MYOM2: variants seen among roughly 807,000 people sequenced by gnomAD.
MYOM2 encodes the protein myomesin 2.
MYOM2 carries 254 observed loss-of-function variants against 187.6 expected under a neutral mutation model. That is an observed-to-expected ratio of 1.35 (90% CI 1.22 to 1.50). MYOM2 has a LOEUF of 1.50. Ranked by LOEUF, MYOM2 falls within the 40% of genes most tolerant of loss-of-function variation. The pLI, the probability that MYOM2 is intolerant of heterozygous loss-of-function variation, is 0.00. For synonymous variants in MYOM2, 981 were observed against 753.8 expected (o/e 1.30, Z -4.94); for missense variants, 2,796 against 1,924.0 (o/e 1.45, Z -8.48).
chr8:2,085,612 GCGTGGCCCCCCACAGTCGTGATCTCTT>G lies in MYOM2; in HGVS notation c.1644+223_1644+249del, dbSNP rs1819836777. Among the ~76,000 whole-genome samples, 11 of 6,394 alleles carry G rather than the reference GCGTGGCCCCCCACAGTCGTGATCTCTT, an allele frequency of 1.7e-3. 2 individuals carry two copies. The East Asian group carries it at 0.13, about 78-fold the overall frequency. 4.2% of individuals were successfully genotyped at this position (6,394 alleles called of 152,430 possible). A position where few individuals can be genotyped will look rare whatever the true frequency, so the allele number is the denominator to read the frequency against. ...GCGTGGCCCCACTGTCGTGATCTCT[GCGTGGCCCCCCACAGTCGTGATCTCTT>G]TGTGGCCCCCCACTGTCGTGATCTC... On this transcript the variant is annotated intron_variant, in intron 14 of 36. Coordinates refer to ENST00000262113, the MANE Select transcript of MYOM2 (RefSeq NM_003970.4).
chr8:2,058,310 G>A (rs1212967594), intron 5 of MYOM2, among the ~76,000 whole-genome samples: 3 of 152,182 alleles, frequency 2.0e-5, no homozygotes, highest in Non-Finnish European at 2.9e-5. Flanking sequence ...TGAGCCACAC[G>A]CCTGACCAGA....
At position 2,075,711 on chromosome 8, in the gene MYOM2, C is replaced by G. The variant is rs772574517; in HGVS notation, c.1121-430C>G. Among the ~76,000 whole-genome samples the G allele has an allele frequency of 2.6e-5, 4 of 152,230 alleles. No homozygotes were observed. The South Asian group carries it at 8.3e-4, about 32-fold the overall frequency. On this transcript the variant is annotated intron_variant, in intron 10 of 36. Transcript: ENST00000262113. ...GTCCCAAATATTTGCTCAAAGTTGG[C>G]GAAAAGAGTAAATCGCCCAATTTCC...
chr8:2,067,956 G>T (rs574636362), intron 6 of MYOM2, among the ~76,000 whole-genome samples: 2 of 152,098 alleles, frequency 1.3e-5, no homozygotes, highest in African/African-American at 4.8e-5. Context: ...GGAACAGGGA[G>T]TTTGTCACTT....
At chr8:2,117,010 G>A (rs147847502) in intron 27 of MYOM2, among the ~76,000 whole-genome samples, 1,896 of 152,292 alleles carry the variant, frequency 0.012, 26 homozygotes, top group Non-Finnish European at 0.016. Flanking sequence ...TGATCCGCCC[G>A]CCTTGGCCTC....
rs1426617539 is a variant in MYOM2 at position 2,073,334 on chromosome 8, T to G, written c.959-5T>G. ...TGCAAACCTTCCGTGTTAACGCTCTTTCAGACGTGCTGTTGAAAGAGTCCA... is the reference window on the plus strand; with the variant it reads ...TGCAAACCTTCCGTGTTAACGCTCTGTCAGACGTGCTGTTGAAAGAGTCCA... On this transcript the variant is annotated splice_region_variant and splice_polypyrimidine_tract_variant and intron_variant, in intron 9 of 36. Transcript: ENST00000262113. 6.2e-7 allele frequency: 1 copy of G among 1,601,686 alleles called. No homozygotes were observed. Among genetic ancestry groups the G allele is most frequent in the Non-Finnish European group, 8.5e-7 (1 of 1,172,310 alleles).
intron 14 of MYOM2, among the ~76,000 whole-genome samples, chr8:2,088,376 C>G (rs1246063415): frequency 6.6e-6 from 1 of 152,208 alleles, no homozygotes; most frequent in Non-Finnish European, 1.5e-5. Context: ...TGCAGTTGAT[C>G]TCGTCACCCA....
rs1477401540 is a variant in MYOM2, at chr8:2,073,379, T to C, written c.999T>C (p.Phe333=). The change falls in exon 10 of 37, where the codon TTT becomes TTC. Residue 333 remains phenylalanine, a synonymous_variant. Transcript: ENST00000262113. ...LKESKWTKMF[F]GEGQASLSFS... is the part of the protein sequence containing the mutation. ...AGTCCAAGTGGACGAAGATGTTCTT[T>C]GGAGAAGGCCAGGCCTCCCTGTCCT... The C allele has an allele frequency of 6.2e-7, 1 of 1,613,198 alleles. No homozygotes were observed. The highest frequency in any genetic ancestry group is 2.2e-5 in the East Asian group (1 of 44,850).
At chr8:2,142,321 C>G in intron 34 of MYOM2, 54 bp from the exon 35 acceptor site, 1 of 1,569,632 alleles carries the variant, frequency 6.4e-7, no homozygotes, top group Non-Finnish European at 8.8e-7. Context: ...TTGTTGGAAG[C>G]ATTTTCTCAT....
chr8:2,101,357 A>G (rs1040028964), intron 20 of MYOM2, among the ~76,000 whole-genome samples: 1 of 152,218 alleles, frequency 6.6e-6, no homozygotes, highest in Non-Finnish European at 1.5e-5. Context: ...TGTCTCAAAA[A>G]CAAAACACAC....
intron 32 of MYOM2, among the ~76,000 whole-genome samples, chr8:2,132,917 T>G (rs1257461753): frequency 1.3e-5 from 2 of 152,134 alleles, no homozygotes; most frequent in Non-Finnish European, 2.9e-5. Flanking sequence ...TCTTCGTCCT[T>G]ATGTCCACAG....
intron 25 of MYOM2, 138 bp from the exon 26 acceptor site, chr8:2,115,822 C>G (rs1797221357): frequency 2.1e-6 from 2 of 930,920 alleles, no homozygotes; most frequent in East Asian, 5.3e-5. Context: ...CAGAGGTTTC[C>G]TTGATAAAAT....
intron 13 of MYOM2, among the ~76,000 whole-genome samples, chr8:2,083,769 C>T (rs1045032118): frequency 2.0e-5 from 3 of 152,208 alleles, no homozygotes; most frequent in Non-Finnish European, 2.9e-5. Context: ...CTTGTGTGAT[C>T]ACATTGCCCA....
At chr8:2,120,695 T>TATTTATAATATATATAA in intron 28 of MYOM2, among the ~76,000 whole-genome samples, 1 of 100,174 alleles carries the variant, frequency 1.0e-5, no homozygotes, top group Non-Finnish European at 1.9e-5. Context: ...TATAAATATA[T>TATTTATAATATATATAA]AATATATATA....
rs139135985 is a variant in MYOM2 at position 2,114,902 on chromosome 8, G to A, written c.3181-1058G>A. On this transcript the variant is annotated intron_variant, in intron 25 of 36. Coordinates refer to ENST00000262113, the MANE Select transcript of MYOM2 (RefSeq NM_003970.4). ...GACAAATTTATATACTGCTACACAG[G>A]AAAACTCGTTTTCAGAATTACAAGG... is the stretch of plus-strand genomic sequence containing the variant. Among the ~76,000 whole-genome samples, 23 of 152,222 alleles carry A rather than the reference G, an allele frequency of 1.5e-4. 1 individual carries two copies. In the East Asian group the frequency reaches 4.4e-3, roughly 29 times the overall value.
At position 2,140,707 on chromosome 8, in the gene MYOM2, T is replaced by C. The variant is rs1222903042; in HGVS notation, c.3801-16T>C. The C allele has an allele frequency of 6.2e-7, 1 of 1,612,878 alleles. No individual in the cohort carries two copies. Among genetic ancestry groups the C allele is most frequent in the African/African-American group, 1.3e-5 (1 of 74,912 alleles). On this transcript the variant is annotated splice_polypyrimidine_tract_variant and intron_variant, in intron 32 of 36. Transcript: ENST00000262113. ...GGAGACCCTAACTCAGATACGTTCC[T>C]GTTGCTCTTTTCAAGAGATGCTAAG... is the stretch of plus-strand genomic sequence containing the variant.
intron 25 of MYOM2, among the ~76,000 whole-genome samples, chr8:2,113,057 C>T (rs1054553514): frequency 7.2e-5 from 11 of 152,286 alleles, no homozygotes; most frequent in East Asian, 5.8e-4. Flanking sequence ...GAGATCGATC[C>T]GACAGGTAGA....
In MYOM2 at chr8:2,057,752, C is replaced by T. The variant is rs1203639214; in HGVS notation, c.532C>T (p.Gln178Ter). ...GTCTGTGAAACTCTGCTTCACCGTGCAAGGATTTCCCACGCCCGTGGTGCA... is the reference window on the plus strand; with the variant it reads ...GTCTGTGAAACTCTGCTTCACCGTGTAAGGATTTCCCACGCCCGTGGTGCA... ...RMSVKLCFTV[Q>*]GFPTPVVQWY... Residue 178 changes from glutamine to a stop codon, truncating the protein, a stop_gained, in exon 5 of 37, where the codon CAA becomes TAA. Coordinates refer to ENST00000262113, the MANE Select transcript of MYOM2 (RefSeq NM_003970.4). LOFTEE classifies it high-confidence loss of function. 2 of 1,614,112 alleles carry T rather than the reference C, an allele frequency of 1.2e-6. No homozygotes were observed. The highest frequency in any genetic ancestry group is 3.3e-5 in the Admixed American group (2 of 60,012).
At chr8:2,081,042 C>G (rs1156927454) in intron 13 of MYOM2, among the ~76,000 whole-genome samples, 1 of 141,182 alleles carries the variant, frequency 7.1e-6, no homozygotes, top group African/African-American at 2.7e-5. Context: ...GAACAGGCAG[C>G]CCAGCCCGTG....
At chr8:2,106,843 T>G (rs533640632) in intron 23 of MYOM2, among the ~76,000 whole-genome samples, 9 of 152,346 alleles carry the variant, frequency 5.9e-5, no homozygotes, top group African/African-American at 2.2e-4. Flanking sequence ...TTTGTACTTT[T>G]AAAGTTGAGT....
Sources: allele counts gnomAD v4.1 joint callset (sites outside exome capture counted in the v4.1 genomes callset), GRCh38; gene constraint gnomAD v4.1.1; transcripts MANE v1.5; gene names NCBI Gene and HGNC (gene_info 2026-07-23, HGNC 2026-07-21).